The following NLK variants were observed in gnomAD, a reference collection of about 807,000 sequenced individuals.
NLK encodes serine/threonine-protein kinase NLK.
In NLK, 11 loss-of-function variants were observed where a neutral mutation model predicts 59.0. The ratio of observed to expected loss-of-function variants is 0.19; its 90% confidence interval spans 0.12 to 0.31. The LOEUF (loss-of-function observed/expected upper bound fraction) is 0.31, where lower values mean the gene tolerates loss of function less well. Among genes scored for constraint, NLK ranks in the 10% least tolerant of loss-of-function variants. NLK has a pLI of 1.00. For synonymous variants in NLK, 235 were observed against 235.9 expected (o/e 1.00, Z 0.03); for missense variants, 410 against 661.1 (o/e 0.62, Z 4.16).
At chr17:28,054,801 CATGCCT>C (rs942869751) in intron 1 of NLK, among the ~76,000 whole-genome samples, 32 of 152,322 alleles carry the variant, frequency 2.1e-4, no homozygotes, top group Admixed American at 1.9e-3. Context: ...CGCATTGGCT[CATGCCT>C]GTTACTCCAG....
At chr17:28,073,152 A>T (rs2142758609) in intron 1 of NLK, among the ~76,000 whole-genome samples, 1 of 152,286 alleles carries the variant, frequency 6.6e-6, no homozygotes, top group African/African-American at 2.4e-5. Context: ...ACTTACTAAG[A>T]ATTCACAGTG....
At chr17:28,045,466 G>A (rs1186550937) in intron 1 of NLK, among the ~76,000 whole-genome samples, 1 of 152,088 alleles carries the variant, frequency 6.6e-6, no homozygotes, top group Non-Finnish European at 1.5e-5. Context: ...CCTCTGCTTG[G>A]CTTGTGGATG....
At chr17:28,047,877 G>A (rs1909115370) in intron 1 of NLK, 1 of 397,870 alleles carries the variant, frequency 2.5e-6, no homozygotes, top group Non-Finnish European at 4.4e-6. Context: ...AGAAAGAGTA[G>A]TATACTAAAG....
intron 1 of NLK, among the ~76,000 whole-genome samples, chr17:28,094,750 CA>C (rs1294886949): frequency 1.3e-4 from 20 of 152,048 alleles, no homozygotes; most frequent in African/African-American, 4.6e-4. Context: ...TCTTGGATTA[CA>C]AAAGTTCAAC....
At position 28,102,042 on chromosome 17, in the gene NLK, A is replaced by G. The variant is rs537559291; in HGVS notation, c.459-20561A>G. On this transcript the variant is annotated intron_variant, in intron 1 of 10. Transcript: ENST00000407008. ...TTAAAGTGTATCACTTATAGACAGC[A>G]TATGATTGGGTATTGTTTCTTTGTC... 3.9e-5 allele frequency among the ~76,000 whole-genome samples: 6 copies of G among 152,310 alleles called. No homozygotes were observed. In the East Asian group the frequency reaches 9.6e-4, roughly 24 times the overall value.
chr17:28,117,795 A>C (rs1483389303), intron 1 of NLK, among the ~76,000 whole-genome samples: 1 of 152,198 alleles, frequency 6.6e-6, no homozygotes, highest in Non-Finnish European at 1.5e-5. Context: ...AACAAATGAG[A>C]AAAGAACTCG....
intron 1 of NLK, among the ~76,000 whole-genome samples, chr17:28,068,833 C>A (rs1285833674): frequency 6.6e-6 from 1 of 152,144 alleles, no homozygotes; most frequent in Non-Finnish European, 1.5e-5. Context: ...CATGTGCCAC[C>A]ACACCAGGCT....
chr17:28,147,982 G>A (rs897582548), intron 3 of NLK, among the ~76,000 whole-genome samples: 1 of 152,086 alleles, frequency 6.6e-6, no homozygotes, highest in Non-Finnish European at 1.5e-5. Context: ...GAAAGAAATG[G>A]AAAAATAAAT....
At position 28,110,791 on chromosome 17, in the gene NLK, A is replaced by G. The variant is rs189464450; in HGVS notation, c.459-11812A>G. Among the ~76,000 whole-genome samples the G allele has an allele frequency of 6.0e-3, 910 of 151,786 alleles. 9 individuals are homozygous for G. The highest frequency in any genetic ancestry group is 9.1e-3 in the South Asian group (44 of 4,818). On this transcript the variant is annotated intron_variant, in intron 1 of 10. Coordinates refer to ENST00000407008, the MANE Select transcript of NLK (RefSeq NM_016231.5). The stretch of plus-strand genomic sequence containing the variant: ...TATTCCCTGTTGAGTCATTGTCACC[A>G]TATTTTTCTTTAATTTGTTAAACAA...
intron 1 of NLK, among the ~76,000 whole-genome samples, chr17:28,046,307 T>C (rs1909049022): frequency 6.6e-6 from 1 of 152,238 alleles, no homozygotes; most frequent in African/African-American, 2.4e-5. Flanking sequence ...ACTCATTAGC[T>C]TGCTGGTAAG....
chr17:28,177,916 A>G (rs1204938509), intron 7 of NLK, among the ~76,000 whole-genome samples: 1 of 152,130 alleles, frequency 6.6e-6, no homozygotes, highest in Non-Finnish European at 1.5e-5. Flanking sequence ...TTGTCACCAT[A>G]TGACTGTAGC....
At chr17:28,099,867 C>T (rs1597679833) in intron 1 of NLK, among the ~76,000 whole-genome samples, 1 of 152,188 alleles carries the variant, frequency 6.6e-6, no homozygotes, top group Non-Finnish European at 1.5e-5. Flanking sequence ...CGTGAGCCAC[C>T]GCGCCCGGCC....
chr17:28,073,927 A>G (rs1010992748), intron 1 of NLK, among the ~76,000 whole-genome samples: 4 of 152,164 alleles, frequency 2.6e-5, no homozygotes, highest in African/African-American at 9.7e-5. Context: ...GCATTCACTA[A>G]AGTTTGTTGA....
chr17:28,065,139 G>A (rs1909785244), intron 1 of NLK, among the ~76,000 whole-genome samples: 1 of 152,108 alleles, frequency 6.6e-6, no homozygotes, highest in Non-Finnish European at 1.5e-5. Flanking sequence ...GATAAGTACA[G>A]AATGGTTACT....
intron 1 of NLK, among the ~76,000 whole-genome samples, chr17:28,079,555 G>A (rs1910273542): frequency 6.6e-6 from 1 of 151,934 alleles, no homozygotes; most frequent in African/African-American, 2.4e-5. Context: ...TTTGATAGTG[G>A]CCATCCTAGC....
chr17:28,130,352 G>A (rs780654234), intron 2 of NLK, among the ~76,000 whole-genome samples: 5 of 152,024 alleles, frequency 3.3e-5, no homozygotes, highest in Admixed American at 3.3e-4. Flanking sequence ...TTACCACCTA[G>A]AAGCACTGTA....
chr17:28,145,215 TG>T (rs2142033051), intron 3 of NLK, among the ~76,000 whole-genome samples: 1 of 152,262 alleles, frequency 6.6e-6, no homozygotes, highest in South Asian at 2.1e-4. Flanking sequence ...AGCAAAGTTT[TG>T]GGGTTTTTAA....
In NLK at chr17:28,189,564, G is replaced by A. The variant is rs574168592; in HGVS notation, c.1237-1457G>A. On this transcript the variant is annotated intron_variant, in intron 8 of 10. Transcript: ENST00000407008. ...CAGAAGGATAAACCGTTGAAGTTCT[G>A]TCCTGAAACTCATGAACAGAAGTTA... is the stretch of plus-strand genomic sequence containing the variant. 3.9e-5 allele frequency among the ~76,000 whole-genome samples: 6 copies of A among 152,256 alleles called. No homozygotes were observed. In the South Asian group the frequency reaches 1.0e-3, roughly 26 times the overall value.
chr17:28,145,675 A>G (rs1907214131), intron 3 of NLK, among the ~76,000 whole-genome samples: 1 of 151,958 alleles, frequency 6.6e-6, no homozygotes, highest in African/African-American at 2.4e-5. Context: ...GAGATGGCCT[A>G]GTCTTTCCTT....
Sources: gnomAD v4.1 joint callset for allele counts (sites outside exome capture counted in the v4.1 genomes callset) on GRCh38, gnomAD v4.1.1 for gene constraint, MANE v1.5 for transcripts, NCBI Gene and HGNC (gene_info 2026-07-23, HGNC 2026-07-21) for gene names.